FHIT: variants seen among roughly 807,000 people sequenced by gnomAD.
FHIT encodes the protein fragile histidine triad diadenosine triphosphatase.
FHIT carries 19 observed loss-of-function variants against 17.9 expected under a neutral mutation model. That is an observed-to-expected ratio of 1.06 (90% confidence interval 0.74 to 1.56). The LOEUF is 1.56. Among genes scored for constraint, FHIT ranks in the 40% most tolerant of loss-of-function variants. FHIT has a pLI of 0.00. For missense variants in FHIT, 248 were observed against 189.2 expected, an observed-to-expected ratio of 1.31 and a Z score of -1.82; for synonymous variants, 81 against 69.7, an observed-to-expected ratio of 1.16 and a Z score of -0.81.
intron 5 of FHIT, among the ~76,000 whole-genome samples, chr3:60,018,779 A>G (rs543121994): frequency 1.3e-5 from 2 of 152,240 alleles, no homozygotes; most frequent in Non-Finnish European, 2.9e-5. Context: ...GCAGTTCAAG[A>G]CCAGCCTGGC....
At chr3:59,866,803 G>T (rs766175901) in intron 8 of FHIT, among the ~76,000 whole-genome samples, 2 of 152,108 alleles carry the variant, frequency 1.3e-5, no homozygotes, top group African/African-American at 4.8e-5. Context: ...TTAGCAAAGA[G>T]CAGCACAATA....
chr3:60,776,213 A>G (rs1449373276), intron 4 of FHIT, among the ~76,000 whole-genome samples: 1 of 152,156 alleles, frequency 6.6e-6, no homozygotes, highest in Non-Finnish European at 1.5e-5. Flanking sequence ...TGAACCCTGT[A>G]AGATTCAATG....
At chr3:61,197,866 C>A (rs982628916) in intron 2 of FHIT, among the ~76,000 whole-genome samples, 1 of 150,564 alleles carries the variant, frequency 6.6e-6, no homozygotes, top group Admixed American at 6.8e-5. Context: ...TCCAGCTCTA[C>A]GCCCACATAC....
chr3:60,335,306 C>T (rs1366735207), intron 5 of FHIT, among the ~76,000 whole-genome samples: 3 of 152,102 alleles, frequency 2.0e-5, no homozygotes, highest in East Asian at 1.9e-4. Flanking sequence ...CCAAAAATAT[C>T]TAGAAAAATT....
chr3:59,855,122 G>A (rs968305218), intron 8 of FHIT, among the ~76,000 whole-genome samples: 4 of 152,074 alleles, frequency 2.6e-5, no homozygotes, highest in African/African-American at 4.8e-5. Context: ...CCCCTCGCAG[G>A]GTTCTTTTGA....
intron 3 of FHIT, among the ~76,000 whole-genome samples, chr3:60,960,928 A>C (rs1274827359): frequency 6.6e-6 from 1 of 152,236 alleles, no homozygotes; most frequent in East Asian, 1.9e-4. Flanking sequence ...CATGATTTAT[A>C]ATCCTTTTGG....
At chr3:60,239,597 A>G (rs1041804916) in intron 5 of FHIT, among the ~76,000 whole-genome samples, 8 of 152,160 alleles carry the variant, frequency 5.3e-5, no homozygotes, top group African/African-American at 1.9e-4. Flanking sequence ...TGTTTTGGGC[A>G]TGAAAAATAA....
chr3:60,637,500 T>G (rs958953243), intron 4 of FHIT, among the ~76,000 whole-genome samples: 1 of 152,152 alleles, frequency 6.6e-6, no homozygotes, highest in African/African-American at 2.4e-5. Flanking sequence ...TTACATTAGA[T>G]ACATAATAAT....
chr3:59,824,232 G>A (rs1700897178), intron 8 of FHIT, among the ~76,000 whole-genome samples: 1 of 152,148 alleles, frequency 6.6e-6, no homozygotes, highest in Non-Finnish European at 1.5e-5. Context: ...GTTGGAGGAG[G>A]GGTACAGAAG....
At chr3:61,057,739 A>T (rs898935033) in intron 2 of FHIT, among the ~76,000 whole-genome samples, 4 of 152,240 alleles carry the variant, frequency 2.6e-5, no homozygotes, top group Admixed American at 2.0e-4. Context: ...CGGGTGGCAG[A>T]TTAAACACAG....
intron 5 of FHIT, among the ~76,000 whole-genome samples, chr3:60,155,011 G>C (rs1483958006): frequency 6.6e-6 from 1 of 151,826 alleles, no homozygotes; most frequent in Non-Finnish European, 1.5e-5. Context: ...ACCACTCTGG[G>C]CAACATAGTG....
chr3:59,989,262 T>C lies in FHIT; in HGVS notation c.279+22109A>G, dbSNP rs947858425. Among the ~76,000 whole-genome samples the C allele has an allele frequency of 3.9e-5, 6 of 152,006 alleles. No homozygotes were observed. In the South Asian group the frequency reaches 6.2e-4, roughly 16 times the overall value. On this transcript the variant is annotated intron_variant, in intron 7 of 9. Coordinates refer to ENST00000492590, the MANE Select transcript of FHIT (RefSeq NM_002012.4). ...TGAGCTCTTGAGTTCCTGGAAACCT[T>C]TGAGAATATGGAGACAGCCTTTTCA...
intron 5 of FHIT, among the ~76,000 whole-genome samples, chr3:60,453,480 T>C (rs528598550): frequency 6.6e-5 from 10 of 152,182 alleles, no homozygotes; most frequent in South Asian, 4.2e-4. Context: ...GGATGCAACA[T>C]AGATAGATGT....
At chr3:60,741,171 G>A (rs998232648) in intron 4 of FHIT, among the ~76,000 whole-genome samples, 5 of 152,200 alleles carry the variant, frequency 3.3e-5, no homozygotes, top group African/African-American at 1.2e-4. Context: ...GTTTTTGCAA[G>A]AGCATTCTGG....
intron 4 of FHIT, among the ~76,000 whole-genome samples, chr3:60,765,097 C>G (rs1287823151): frequency 6.6e-6 from 1 of 152,124 alleles, no homozygotes; most frequent in African/African-American, 2.4e-5. Context: ...AGAAAAAAGA[C>G]TGGCACTGGG....
chr3:61,189,182 T>C (rs891147001), intron 2 of FHIT, among the ~76,000 whole-genome samples: 3 of 151,924 alleles, frequency 2.0e-5, no homozygotes, highest in African/African-American at 7.3e-5. Context: ...ATCTAGAAAA[T>C]CCCAACGTCT....
intron 5 of FHIT, among the ~76,000 whole-genome samples, chr3:60,245,037 T>C (rs1210175045): frequency 2.6e-5 from 4 of 152,000 alleles, no homozygotes; most frequent in African/African-American, 9.7e-5. Flanking sequence ...AGCTGTTTAA[T>C]TAAAAGGTAA....
intron 8 of FHIT, among the ~76,000 whole-genome samples, chr3:59,880,483 G>C (rs1390648298): frequency 2.6e-5 from 4 of 152,034 alleles, no homozygotes; most frequent in Admixed American, 2.6e-4. Context: ...TCTCTAGTAG[G>C]GATTAAGCAC....
intron 2 of FHIT, among the ~76,000 whole-genome samples, chr3:61,092,646 T>C (rs1286371846): frequency 6.6e-6 from 1 of 152,074 alleles, no homozygotes; most frequent in Non-Finnish European, 1.5e-5. Context: ...AAAGCACCCA[T>C]TGAAAAAGTT....
Sources: gnomAD v4.1 joint callset for allele counts (sites outside exome capture counted in the v4.1 genomes callset) on GRCh38, gnomAD v4.1.1 for gene constraint, MANE v1.5 for transcripts, NCBI Gene and HGNC (gene_info 2026-07-23, HGNC 2026-07-21) for gene names.